ELP1: variants seen among roughly 807,000 people sequenced by gnomAD.
The protein encoded by ELP1 is elongator complex protein 1.
ELP1 carries 131 observed loss-of-function variants against 183.2 expected under a neutral mutation model. That is an observed-to-expected ratio of 0.72 (90% CI 0.62 to 0.83). The LOEUF is 0.83. Among genes scored for constraint, ELP1 ranks in the 40% least tolerant of loss-of-function variants. The pLI is 0.00. For missense variants in ELP1, 1,550 were observed against 1,594.9 expected (o/e 0.97, Z 0.48); for synonymous variants, 555 against 569.0 (o/e 0.98, Z 0.35).
chr9:108,888,717 A>G (rs1381167097), intron 29 of ELP1, among the ~76,000 whole-genome samples: 1 of 152,228 alleles, frequency 6.6e-6, no homozygotes, highest in Admixed American at 6.5e-5. Flanking sequence ...TAAGTTACAT[A>G]AATGTGCTAT....
chr9:108,879,362 C>A (rs945413515), intron 33 of ELP1, 84 bp downstream of exon 33: 1 of 974,114 alleles, frequency 1.0e-6, no homozygotes, highest in Non-Finnish European at 1.7e-6. Context: ...ACTACACCGT[C>A]CCAGTAGAAA....
At position 108,901,413 on chromosome 9, in the gene ELP1, T is replaced by C; in HGVS notation, c.2014+12A>G. The stretch of plus-strand genomic sequence containing the variant: ...GAAGGGACCATTTCTGTTTTATACA[T>C]TGAAAACTTACTTTTAAATGAAGCA... On this transcript the variant is annotated intron_variant, in intron 18 of 36. Coordinates refer to ENST00000374647, the MANE Select transcript of ELP1 (RefSeq NM_003640.5). 1.3e-6 allele frequency: 2 copies of C among 1,571,690 alleles called. No homozygotes were observed. Among genetic ancestry groups the C allele is most frequent in the Non-Finnish European group, 1.8e-6 (2 of 1,141,518 alleles).
intron 13 of ELP1, among the ~76,000 whole-genome samples, chr9:108,907,126 G>C (rs1394615911): frequency 6.6e-6 from 1 of 152,098 alleles, no homozygotes; most frequent in Non-Finnish European, 1.5e-5. Flanking sequence ...CATTCACATA[G>C]AGTATCCCAT....
chr9:108,901,736 C>T, intron 16 of ELP1, 55 bp from the exon 17 acceptor site: 2 of 1,502,894 alleles, frequency 1.3e-6, no homozygotes, highest in Non-Finnish European at 1.9e-6. Context: ...TCAGTTAAAC[C>T]TACCTTTTCT....
chr9:108,906,854 A>C (rs1290005561), intron 13 of ELP1, among the ~76,000 whole-genome samples: 1 of 152,214 alleles, frequency 6.6e-6, no homozygotes, highest in East Asian at 1.9e-4. Context: ...TGTCACTTGC[A>C]GTAGAATGGG....
intron 1 of ELP1, among the ~76,000 whole-genome samples, chr9:108,932,491 G>C (rs563247502): frequency 2.0e-4 from 30 of 152,086 alleles, no homozygotes; most frequent in African/African-American, 6.3e-4. Context: ...ACAGGCGCCC[G>C]GCACCATGCC....
intron 2 of ELP1, among the ~76,000 whole-genome samples, chr9:108,930,687 T>C (rs1247384467): frequency 6.8e-5 from 4 of 59,166 alleles, no homozygotes; most frequent in Non-Finnish European, 1.2e-4. Context: ...CGAGACTCCG[T>C]CTCAAAAAAA....
chr9:108,926,447 G>C, intron 5 of ELP1, 76 bp downstream of exon 5: 1 of 1,075,034 alleles, frequency 9.3e-7, no homozygotes, highest in Non-Finnish European at 1.4e-6. Context: ...TAATGACATG[G>C]CTATTAGTGC....
intron 20 of ELP1, among the ~76,000 whole-genome samples, chr9:108,899,523 T>C (rs1272666544): frequency 6.6e-6 from 1 of 152,104 alleles, no homozygotes; most frequent in Non-Finnish European, 1.5e-5. Context: ...AGGTTTGGTG[T>C]GTACAATCTC....
chr9:108,926,681 G>T, intron 4 of ELP1, 78 bp from the exon 5 acceptor site: 1 of 997,914 alleles, frequency 1.0e-6, no homozygotes. Flanking sequence ...GGCACTGTAA[G>T]CTAAGGAGCT....
At chr9:108,889,913 T>G (rs1193915552) in intron 28 of ELP1, among the ~76,000 whole-genome samples, 1 of 152,212 alleles carries the variant, frequency 6.6e-6, no homozygotes, top group Non-Finnish European at 1.5e-5. Flanking sequence ...ACCTCCACTA[T>G]TTAAATAGTT....
At chr9:108,893,900 G>T in intron 26 of ELP1, 43 bp downstream of exon 26, 3 of 1,609,874 alleles carry the variant, frequency 1.9e-6, no homozygotes, top group Non-Finnish European at 2.5e-6. Flanking sequence ...TAGTTCCAAA[G>T]AAGATCTGAA....
At chr9:108,914,324 G>A (rs1008793278) in intron 10 of ELP1, among the ~76,000 whole-genome samples, 1 of 147,428 alleles carries the variant, frequency 6.8e-6, no homozygotes, top group South Asian at 2.2e-4. Flanking sequence ...GAGTGAACCC[G>A]GGAGGCAGAG....
At chr9:108,920,447 A>G (rs928031720) in intron 6 of ELP1, among the ~76,000 whole-genome samples, 3 of 152,048 alleles carry the variant, frequency 2.0e-5, no homozygotes, top group Non-Finnish European at 4.4e-5. Context: ...ATGCCTGGCT[A>G]ATTTTTGTAT....
chr9:108,881,763 T>A lies in ELP1; in HGVS notation c.3288A>T (p.Val1096=). 1 of 1,537,930 alleles carries A rather than the reference T, an allele frequency of 6.5e-7. No individual in the cohort carries two copies. Among genetic ancestry groups the A allele is most frequent in the East Asian group, 2.3e-5 (1 of 44,384 alleles). ...GAAWEEALRL[V]YKYNRLDIIE... ...TAATATCCAGTCTGTTATATTTGTA[T>A]ACCTAGAAGGAAAAACACAATAATT... The change falls in exon 31 of 37, where the codon GTA becomes GTT. Residue 1096 remains valine, a splice_region_variant and synonymous_variant. Transcript: ENST00000374647.
At chr9:108,897,595 T>G (rs1440705693) in intron 22 of ELP1, among the ~76,000 whole-genome samples, 2 of 152,186 alleles carry the variant, frequency 1.3e-5, no homozygotes, top group Admixed American at 6.5e-5. Context: ...AATGAACTAG[T>G]GATACATATA....
At chr9:108,870,165 C>T (rs922388373) in intron 36 of ELP1, among the ~76,000 whole-genome samples, 5 of 152,156 alleles carry the variant, frequency 3.3e-5, no homozygotes, top group African/African-American at 1.2e-4. Flanking sequence ...CAAGGTTTCA[C>T]CATGCTGCCC....
intron 28 of ELP1, 28 bp downstream of exon 28, chr9:108,891,175 A>G: frequency 1.9e-6 from 3 of 1,604,848 alleles, no homozygotes; most frequent in South Asian, 2.2e-5. Flanking sequence ...ACCTTTGTAG[A>G]TGTAAACATA....
chr9:108,868,708 C>T lies in ELP1; in HGVS notation c.*407G>A. On this transcript the variant is annotated 3_prime_UTR_variant, in exon 37 of 37. Coordinates refer to ENST00000374647, the MANE Select transcript of ELP1 (RefSeq NM_003640.5). Reference sequence around the variant, plus strand: ...AGCTATTTAAGTGATTACATTTGACCAAATGTAGCACTAATAGCCATTGTA... The same window carrying T: ...AGCTATTTAAGTGATTACATTTGACTAAATGTAGCACTAATAGCCATTGTA... The T allele has an allele frequency of 2.0e-6, 1 of 494,202 alleles. No homozygotes were observed. The highest frequency in any genetic ancestry group is 3.5e-6 in the Non-Finnish European group (1 of 282,360). The allele number at this position is 494,202 out of a possible 1,614,324, so 30.6% of individuals were successfully genotyped here. A position where few individuals can be genotyped will look rare whatever the true frequency, so the allele number is the denominator to read the frequency against.
Sources: allele counts gnomAD v4.1 joint callset (sites outside exome capture counted in the v4.1 genomes callset), GRCh38; gene constraint gnomAD v4.1.1; transcripts MANE v1.5; gene names NCBI Gene and HGNC (gene_info 2026-07-23, HGNC 2026-07-21).